MACROD2: variants seen among roughly 807,000 people sequenced by gnomAD.
The protein encoded by MACROD2 is ADP-ribose glycohydrolase MACROD2.
MACROD2 carries 36 observed loss-of-function variants against 70.4 expected under a neutral mutation model. That is an observed-to-expected ratio of 0.51 (90% CI 0.39 to 0.68). MACROD2 has a LOEUF of 0.68. Among genes scored for constraint, MACROD2 ranks in the 30% least tolerant of loss-of-function variants. The probability of loss-of-function intolerance (pLI) is 0.00; values close to 1 mark genes in which losing one functional copy is unlikely to be tolerated. For synonymous variants in MACROD2, 172 were observed against 178.8 expected (o/e 0.96, Z 0.30); for missense variants, 496 against 538.4 (o/e 0.92, Z 0.78).
chr20:15,442,785 A>C (rs1054099600), intron 7 of MACROD2, among the ~76,000 whole-genome samples: 1 of 123,424 alleles, frequency 8.1e-6, no homozygotes, highest in Admixed American at 8.0e-5. Flanking sequence ...CTCGTAGATA[A>C]ATTAGTTTAG....
intron 5 of MACROD2, among the ~76,000 whole-genome samples, chr20:14,779,512 T>G (rs1482998164): frequency 1.3e-5 from 2 of 152,122 alleles, no homozygotes; most frequent in African/African-American, 2.4e-5. Context: ...CACCAGGCAT[T>G]CAGTCAGCAG....
At chr20:14,092,978 T>G (rs2054171973) in intron 3 of MACROD2, among the ~76,000 whole-genome samples, 1 of 152,238 alleles carries the variant, frequency 6.6e-6, no homozygotes, top group Admixed American at 6.5e-5. Context: ...GCAGCTGCTT[T>G]CTTCCTGAGC....
At chr20:15,540,817 C>T (rs1038448637) in intron 8 of MACROD2, among the ~76,000 whole-genome samples, 20 of 152,142 alleles carry the variant, frequency 1.3e-4, no homozygotes, top group African/African-American at 3.9e-4. Context: ...CATATCCCTT[C>T]GTTCTAGAAG....
At chr20:15,226,158 G>A (rs995858421) in intron 5 of MACROD2, among the ~76,000 whole-genome samples, 3 of 152,090 alleles carry the variant, frequency 2.0e-5, no homozygotes, top group Non-Finnish European at 4.4e-5. Flanking sequence ...TCCTTCTTTT[G>A]ACTTTGAATA....
intron 10 of MACROD2, among the ~76,000 whole-genome samples, chr20:15,895,812 C>T (rs1270805198): frequency 1.3e-5 from 2 of 152,248 alleles, no homozygotes; most frequent in Non-Finnish European, 2.9e-5. Context: ...CGGGTTGCCA[C>T]TCCTGGATTC....
chr20:14,459,973 G>C (rs1433051921), intron 3 of MACROD2, among the ~76,000 whole-genome samples: 2 of 152,022 alleles, frequency 1.3e-5, no homozygotes, highest in Admixed American at 1.3e-4. Flanking sequence ...AGAACATGTG[G>C]TGTTTGGTTT....
intron 15 of MACROD2, among the ~76,000 whole-genome samples, chr20:16,028,333 C>T (rs972006944): frequency 6.6e-6 from 1 of 151,760 alleles, no homozygotes; most frequent in Non-Finnish European, 1.5e-5. Flanking sequence ...AGAGGTGTGC[C>T]TCATTCATTT....
At chr20:15,588,935 T>G (rs1028278902) in intron 8 of MACROD2, among the ~76,000 whole-genome samples, 1 of 152,216 alleles carries the variant, frequency 6.6e-6, no homozygotes, top group Non-Finnish European at 1.5e-5. Context: ...TTCCACATTT[T>G]CAGTTATCTT....
At chr20:15,530,149 A>G (rs1308613180) in intron 8 of MACROD2, among the ~76,000 whole-genome samples, 1 of 152,204 alleles carries the variant, frequency 6.6e-6, no homozygotes, top group Non-Finnish European at 1.5e-5. Context: ...TTCTTTGGCC[A>G]TATGTAGAAT....
intron 8 of MACROD2, among the ~76,000 whole-genome samples, chr20:15,852,474 A>T (rs1263692405): frequency 6.6e-6 from 1 of 152,272 alleles, no homozygotes; most frequent in African/African-American, 2.4e-5. Context: ...TCACCCAAAC[A>T]TCTCTGGGAA....
intron 3 of MACROD2, among the ~76,000 whole-genome samples, chr20:14,273,060 C>T (rs911693886): frequency 1.3e-5 from 2 of 151,840 alleles, no homozygotes; most frequent in African/African-American, 4.8e-5. Flanking sequence ...CTTTAACACC[C>T]CACTGTCAAC....
intron 4 of MACROD2, among the ~76,000 whole-genome samples, chr20:14,663,069 C>A (rs1320320361): frequency 6.6e-6 from 1 of 152,026 alleles, no homozygotes; most frequent in Non-Finnish European, 1.5e-5. Flanking sequence ...ATAGCAAACA[C>A]ATGGAATCAA....
At chr20:15,170,955 G>C (rs1037602007) in intron 5 of MACROD2, among the ~76,000 whole-genome samples, 7 of 152,160 alleles carry the variant, frequency 4.6e-5, no homozygotes, top group Non-Finnish European at 5.9e-5. Flanking sequence ...GTTAGCCTGG[G>C]TGGAAAGTTT....
At chr20:15,118,468 A>G (rs1796007153) in intron 5 of MACROD2, among the ~76,000 whole-genome samples, 1 of 152,044 alleles carries the variant, frequency 6.6e-6, no homozygotes, top group African/African-American at 2.4e-5. Flanking sequence ...TGGGAGTGCA[A>G]GCATGAGCCA....
intron 8 of MACROD2, among the ~76,000 whole-genome samples, chr20:15,695,066 CA>C (rs1172493429): frequency 1.3e-5 from 2 of 152,152 alleles, no homozygotes; most frequent in African/African-American, 4.8e-5. Context: ...TATTCCGTTC[CA>C]TTGGTCTATG....
chr20:15,387,297 A>AT (rs1235799818), intron 6 of MACROD2, among the ~76,000 whole-genome samples: 1 of 152,080 alleles, frequency 6.6e-6, no homozygotes, highest in African/African-American at 2.4e-5. Flanking sequence ...AGGTTTAATC[A>AT]TATATTCTAC....
At chr20:14,466,702 A>G (rs1202297912) in intron 3 of MACROD2, among the ~76,000 whole-genome samples, 2 of 151,846 alleles carry the variant, frequency 1.3e-5, no homozygotes, top group African/African-American at 4.8e-5. Context: ...TGATGTACAG[A>G]TGGGTTTTTG....
intron 5 of MACROD2, among the ~76,000 whole-genome samples, chr20:15,114,749 C>T (rs1379476752): frequency 6.6e-6 from 1 of 152,224 alleles, no homozygotes; most frequent in East Asian, 1.9e-4. Flanking sequence ...GTTACCTTCT[C>T]TTTCCCTGCT....
chr20:14,140,514 A>AGAGC (rs2054856924), intron 3 of MACROD2, among the ~76,000 whole-genome samples: 1 of 152,250 alleles, frequency 6.6e-6, no homozygotes, highest in Non-Finnish European at 1.5e-5. Context: ...ATATAGGGTG[A>AGAGC]GAGCTCTGCC....
Sources: gnomAD v4.1 joint callset for allele counts (sites outside exome capture counted in the v4.1 genomes callset) on GRCh38, gnomAD v4.1.1 for gene constraint, MANE v1.5 for transcripts, NCBI Gene and HGNC (gene_info 2026-07-23, HGNC 2026-07-21) for gene names.